BMP5: variants seen among roughly 807,000 people sequenced by gnomAD.
BMP5 encodes the protein bone morphogenetic protein 5.
A neutral mutation model predicts 46.6 loss-of-function variants in BMP5; 23 were observed. That is an observed-to-expected ratio of 0.49 (90% CI 0.35 to 0.70). BMP5 has a LOEUF of 0.70. Ranked by LOEUF, BMP5 falls within the 30% of genes least tolerant of loss-of-function variation. BMP5 has a pLI of 0.00. For synonymous variants in BMP5, 204 were observed against 191.9 expected (o/e 1.06, Z -0.52); for missense variants, 545 against 565.6 (o/e 0.96, Z 0.37).
intron 1 of BMP5, among the ~76,000 whole-genome samples, chr6:55,838,270 G>A (rs1465355322): frequency 6.6e-6 from 1 of 152,110 alleles, no homozygotes; most frequent in Non-Finnish European, 1.5e-5. Flanking sequence ...CAGTGTACCA[G>A]GGTTCCCTTT....
intron 2 of BMP5, among the ~76,000 whole-genome samples, chr6:55,809,888 C>G (rs758349967): frequency 1.3e-5 from 2 of 152,216 alleles, no homozygotes; most frequent in African/African-American, 4.8e-5. Flanking sequence ...CTCCACTTTT[C>G]CCAAAGCTTC....
intron 6 of BMP5, 39 bp downstream of exon 6, chr6:55,758,966 A>T (rs1774684034): frequency 7.5e-7 from 1 of 1,334,348 alleles, no homozygotes; most frequent in Non-Finnish European, 1.1e-6. Context: ...ATATGCTTGC[A>T]TTCTAAGCTT....
intron 3 of BMP5, among the ~76,000 whole-genome samples, chr6:55,788,949 A>C (rs961089405): frequency 6.6e-6 from 1 of 151,800 alleles, no homozygotes; most frequent in South Asian, 2.1e-4. Context: ...ATACCTCTGA[A>C]ATCTTTTTTT....
chr6:55,863,696 A>G (rs1777574925), intron 1 of BMP5, among the ~76,000 whole-genome samples: 2 of 152,224 alleles, frequency 1.3e-5, no homozygotes, highest in Non-Finnish European at 2.9e-5. Context: ...TGGTCTCATA[A>G]GATTATAATG....
chr6:55,825,243 C>T (rs1776501995), intron 1 of BMP5, among the ~76,000 whole-genome samples: 1 of 151,894 alleles, frequency 6.6e-6, no homozygotes, highest in Admixed American at 6.6e-5. Flanking sequence ...CTTCCTTCTG[C>T]TTCTAGGGAG....
chr6:55,873,253 TTAAG>T (rs755754304), intron 1 of BMP5, among the ~76,000 whole-genome samples: 27 of 151,972 alleles, frequency 1.8e-4, no homozygotes, highest in Non-Finnish European at 2.9e-4. Flanking sequence ...AAGTTTTTAA[TTAAG>T]TGTTTAATAA....
chr6:55,856,349 GC>G (rs1322167856), intron 1 of BMP5, among the ~76,000 whole-genome samples: 1 of 152,116 alleles, frequency 6.6e-6, no homozygotes, highest in African/African-American at 2.4e-5. Flanking sequence ...TCATGTACAG[GC>G]TTTTGTGTGA....
intron 3 of BMP5, among the ~76,000 whole-genome samples, chr6:55,778,771 T>C (rs1307988647): frequency 6.6e-6 from 1 of 151,996 alleles, no homozygotes; most frequent in Non-Finnish European, 1.5e-5. Context: ...TATTATTCTA[T>C]TCATAAAGAG....
At chr6:55,818,757 A>T (rs766664644) in intron 2 of BMP5, among the ~76,000 whole-genome samples, 2 of 152,196 alleles carry the variant, frequency 1.3e-5, no homozygotes, top group Non-Finnish European at 2.9e-5. Flanking sequence ...GTCAACAAGG[A>T]GAGAACAGCA....
At chr6:55,780,910 G>A (rs1015847581) in intron 3 of BMP5, among the ~76,000 whole-genome samples, 1 of 152,034 alleles carries the variant, frequency 6.6e-6, no homozygotes, top group Admixed American at 6.6e-5. Context: ...GGACTGAGGT[G>A]ATGGAAAATG....
At chr6:55,805,713 T>C (rs1020792470) in intron 2 of BMP5, among the ~76,000 whole-genome samples, 1 of 152,138 alleles carries the variant, frequency 6.6e-6, no homozygotes, top group Non-Finnish European at 1.5e-5. Flanking sequence ...TCTCTCCACA[T>C]CCTCACCAGC....
chr6:55,871,587 A>G (rs979007708), intron 1 of BMP5, among the ~76,000 whole-genome samples: 2 of 151,870 alleles, frequency 1.3e-5, no homozygotes, highest in African/African-American at 4.8e-5. Context: ...TATAAAGCTA[A>G]TCTCATCTGA....
chr6:55,828,390 T>C (rs1022891097), intron 1 of BMP5, among the ~76,000 whole-genome samples: 6 of 151,808 alleles, frequency 4.0e-5, no homozygotes, highest in African/African-American at 1.4e-4. Context: ...GCTATTGTGC[T>C]ACTGTGAAAA....
chr6:55,825,794 A>G (rs1776518226), intron 1 of BMP5, among the ~76,000 whole-genome samples: 1 of 151,866 alleles, frequency 6.6e-6, no homozygotes. Context: ...ATTCATGGGC[A>G]ATCAGTCTTA....
intron 1 of BMP5, among the ~76,000 whole-genome samples, chr6:55,821,396 AT>A (rs1342132124): frequency 6.6e-6 from 1 of 151,942 alleles, no homozygotes; most frequent in Non-Finnish European, 1.5e-5. Context: ...TTTAAATTTT[AT>A]TTTACAGAAA....
intron 1 of BMP5, among the ~76,000 whole-genome samples, chr6:55,846,607 T>C (rs1777103237): frequency 6.6e-6 from 1 of 151,928 alleles, no homozygotes; most frequent in Non-Finnish European, 1.5e-5. Flanking sequence ...TCCTCTTTCA[T>C]GTGCAACAGA....
chr6:55,859,558 A>C (rs2127552974), intron 1 of BMP5, among the ~76,000 whole-genome samples: 1 of 152,364 alleles, frequency 6.6e-6, no homozygotes, highest in East Asian at 1.9e-4. Flanking sequence ...GTAAGGGTAC[A>C]ACCTTACATA....
At chr6:55,805,980 A>G (rs1020822094) in intron 2 of BMP5, among the ~76,000 whole-genome samples, 2 of 152,108 alleles carry the variant, frequency 1.3e-5, no homozygotes, top group African/African-American at 2.4e-5. Context: ...CCTTCATCAG[A>G]TGAGTAGAAT....
chr6:55,848,160 G>C (rs1381640706), intron 1 of BMP5, among the ~76,000 whole-genome samples: 3 of 151,844 alleles, frequency 2.0e-5, no homozygotes, highest in African/African-American at 7.2e-5. Flanking sequence ...CTATAACACT[G>C]CCTGTAAAAT....
Sources: gnomAD v4.1 joint callset for allele counts (sites outside exome capture counted in the v4.1 genomes callset) on GRCh38, gnomAD v4.1.1 for gene constraint, MANE v1.5 for transcripts, NCBI Gene and HGNC (gene_info 2026-07-23, HGNC 2026-07-21) for gene names.